The following ZNF514 variants were observed in gnomAD, a reference collection of about 807,000 sequenced individuals.
The protein encoded by ZNF514 is zinc finger protein 514.
A neutral mutation model predicts 9.7 loss-of-function variants in ZNF514; 12 were observed. The observed-to-expected ratio is 1.24, with a 90% CI of 0.79 to 2.01. ZNF514 has a LOEUF of 2.01. Ranked by LOEUF, ZNF514 falls within the 30% of genes most tolerant of loss-of-function variation. The pLI is 0.00. For missense variants in ZNF514, 467 were observed against 465.5 expected (o/e 1.00, Z -0.03); for synonymous variants, 158 against 163.7 (o/e 0.97, Z 0.27).
rs371968229 is a variant in ZNF514, at chr2:95,152,747, A to G, written c.144T>C (p.Tyr48=). ...AILGLLVSKP[Y]VICQLEEGGE... ...CCCCTTCCTCCAACTGGCAGATCAC[A>G]TATGGTTTGGATACTAGAAGGCCTG... Residue 48 remains tyrosine (Y), a synonymous_variant, in exon 4 of 5, where the codon TAT becomes TAC. Coordinates refer to ENST00000295208, the MANE Select transcript of ZNF514 (RefSeq NM_032788.3). 1.9e-6 allele frequency: 3 copies of G among 1,614,172 alleles called. No homozygotes were observed. Among genetic ancestry groups the G allele is most frequent in the African/African-American group, 2.7e-5 (2 of 75,050 alleles).
chr2:95,134,286 G>C, the ZNF514 span, among the ~76,000 whole-genome samples: 1 of 152,084 alleles, frequency 6.6e-6, no homozygotes, highest in Admixed American at 6.6e-5. Flanking sequence ...CTCAGTCTTA[G>C]GGATCACCCC....
At chr2:95,142,305 G>A (rs917898291), downstream of ZNF514, among the ~76,000 whole-genome samples, 2 of 152,150 alleles carry the variant, frequency 1.3e-5, no homozygotes, top group Admixed American at 1.3e-4. Flanking sequence ...CAGAACAAAT[G>A]ACATTAAATA....
the ZNF514 span, among the ~76,000 whole-genome samples, chr2:95,137,486 TA>T: frequency 1.3e-5 from 2 of 152,188 alleles, no homozygotes; most frequent in African/African-American, 4.8e-5. Context: ...AACAGCTTTT[TA>T]ACAGTATTTT....
the ZNF514 span, among the ~76,000 whole-genome samples, chr2:95,135,258 T>C: frequency 6.6e-6 from 1 of 152,188 alleles, no homozygotes; most frequent in Non-Finnish European, 1.5e-5. Flanking sequence ...ATATCTTCTT[T>C]AATTTCTTTC....
the ZNF514 span, among the ~76,000 whole-genome samples, chr2:95,124,507 CT>C: frequency 6.6e-6 from 1 of 151,822 alleles, no homozygotes; most frequent in Non-Finnish European, 1.5e-5. Flanking sequence ...TTTTCCTTTT[CT>C]TTTTTTCCTT....
the ZNF514 span, among the ~76,000 whole-genome samples, chr2:95,130,752 C>T: frequency 6.6e-6 from 1 of 152,104 alleles, no homozygotes; most frequent in South Asian, 2.1e-4. Context: ...TTCAGGGTGC[C>T]CACATTTCAT....
chr2:95,127,617 T>C, the ZNF514 span, among the ~76,000 whole-genome samples: 1 of 152,150 alleles, frequency 6.6e-6, no homozygotes, highest in Admixed American at 6.5e-5. Flanking sequence ...TTGTTTTTTG[T>C]GTTTTGTGTT....
the ZNF514 span, among the ~76,000 whole-genome samples, chr2:95,128,565 A>C: frequency 2.0e-5 from 3 of 152,038 alleles, no homozygotes; most frequent in Non-Finnish European, 4.4e-5. Flanking sequence ...CAAGAAAAAG[A>C]AGAAAGAAGA....
At chr2:95,130,070 G>A in the ZNF514 span, among the ~76,000 whole-genome samples, 6 of 152,092 alleles carry the variant, frequency 3.9e-5, no homozygotes, top group African/African-American at 1.4e-4. Context: ...TTTCCTAAGC[G>A]TCGACTGGCT....
the ZNF514 span, among the ~76,000 whole-genome samples, chr2:95,126,001 A>G: frequency 6.6e-6 from 1 of 152,196 alleles, no homozygotes; most frequent in East Asian, 1.9e-4. Context: ...TTGTGTGGCT[A>G]TAAGTTTTAA....
the ZNF514 span, among the ~76,000 whole-genome samples, chr2:95,131,859 T>C: frequency 1.3e-5 from 2 of 152,056 alleles, no homozygotes; most frequent in African/African-American, 4.8e-5. Context: ...GAGAATGAAA[T>C]GGGCCAGGTG....
the ZNF514 span, among the ~76,000 whole-genome samples, chr2:95,126,371 C>CAAAAAAAAAAAAAAAA: frequency 9.7e-5 from 5 of 51,330 alleles, no homozygotes; most frequent in Non-Finnish European, 1.5e-4. Flanking sequence ...AACTCCATCT[C>CAAAAAAAAAAAAAAAA]AAAAAAAAAA....
Position 95,147,048 on chromosome 2 carries a change from C to A in ZNF514, c.*2234G>T, listed in dbSNP as rs987719627. On this transcript the variant is annotated 3_prime_UTR_variant, in exon 5 of 5. Transcript: ENST00000295208. The stretch of plus-strand genomic sequence containing the variant: ...TGAATTCTGGGCTCAACTTCCTCAT[C>A]TGGACTTTAAATGCTTAAAGTATTT... 1.3e-5 allele frequency among the ~76,000 whole-genome samples: 2 copies of A among 152,126 alleles called. No homozygotes were observed. The highest frequency in any genetic ancestry group is 2.4e-5 in the African/African-American group (1 of 41,418).
the ZNF514 span, among the ~76,000 whole-genome samples, chr2:95,125,350 C>T: frequency 6.6e-6 from 1 of 151,776 alleles, no homozygotes; most frequent in Non-Finnish European, 1.5e-5. Flanking sequence ...AAGCGATTCT[C>T]CTGCCTCAGC....
At chr2:95,144,193 T>C (rs1054378989), downstream of ZNF514, among the ~76,000 whole-genome samples, 5 of 152,138 alleles carry the variant, frequency 3.3e-5, no homozygotes, top group Admixed American at 2.6e-4. Context: ...TATTCATCCA[T>C]TGTTGGGTCA....
At chr2:95,126,371 C>CAAAAAAAAA in the ZNF514 span, among the ~76,000 whole-genome samples, 2 of 51,396 alleles carry the variant, frequency 3.9e-5, no homozygotes, top group African/African-American at 7.7e-5. Context: ...AACTCCATCT[C>CAAAAAAAAA]AAAAAAAAAA....
rs757511183 is a variant in ZNF514, at chr2:95,152,739, C to T, written c.152G>A (p.Cys51Tyr). 18 of 1,614,180 alleles carry T rather than the reference C, an allele frequency of 1.1e-5. No individual in the cohort carries two copies. Among genetic ancestry groups the T allele is most frequent in the Non-Finnish European group, 1.4e-5 (16 of 1,180,026 alleles). The stretch of plus-strand genomic sequence containing the variant: ...GGGCTCACCCCCTTCCTCCAACTGG[C>T]AGATCACATATGGTTTGGATACTAG... ...GLLVSKPYVICQLEEGGEPFM... is the reference protein window; with the variant it reads ...GLLVSKPYVIYQLEEGGEPFM... Residue 51 changes from cysteine to tyrosine, a missense_variant, in exon 4 of 5, where the codon TGC (cysteine) becomes TAC (tyrosine). Physicochemically the swap from Cys to Tyr is radical, Grantham distance 194. Coordinates refer to ENST00000295208, the MANE Select transcript of ZNF514 (RefSeq NM_032788.3).
rs1173059816 is a variant in ZNF514 at position 95,149,335 on chromosome 2, T to C, written c.1150A>G (p.Thr384Ala). The change falls in exon 5 of 5, where the codon ACT becomes GCT. Residue 384 changes from threonine (T) to alanine (A), a missense_variant. By Grantham distance (58) the Thr-to-Ala change is moderately conservative. Coordinates refer to ENST00000295208, the MANE Select transcript of ZNF514 (RefSeq NM_032788.3). The part of the protein sequence containing the change: ...CNECGRAFAH[T>A]ASLIKHQRSH... Reference sequence around the variant, plus strand: ...CTCTGATGTTTAATAAGGGATGCAGTATGAGCAAAGGCCCTTCCACACTCA... The same window carrying C: ...CTCTGATGTTTAATAAGGGATGCAGCATGAGCAAAGGCCCTTCCACACTCA... 33 of 1,609,630 alleles carry C rather than the reference T, an allele frequency of 2.1e-5. 1 individual carries two copies. In the East Asian group the frequency reaches 7.4e-4, roughly 36 times the overall value.
Position 95,149,338 on chromosome 2 carries a change from G to C in ZNF514, c.1147C>G (p.His383Asp). The change falls in exon 5 of 5, where the codon CAT becomes GAT. Residue 383 changes from histidine (H) to aspartate (D), a missense_variant. Coordinates refer to ENST00000295208, the MANE Select transcript of ZNF514 (RefSeq NM_032788.3). ...TGATGTTTAATAAGGGATGCAGTAT[G>C]AGCAAAGGCCCTTCCACACTCATTA... ...KCNECGRAFA[H>D]TASLIKHQRS... The C allele has an allele frequency of 6.2e-7, 1 of 1,610,846 alleles. No homozygotes were observed. Among genetic ancestry groups the C allele is most frequent in the Non-Finnish European group, 8.5e-7 (1 of 1,177,762 alleles).
Sources: allele counts gnomAD v4.1 joint callset (sites outside exome capture counted in the v4.1 genomes callset), GRCh38; gene constraint gnomAD v4.1.1; transcripts MANE v1.5; gene names NCBI Gene and HGNC (gene_info 2026-07-23, HGNC 2026-07-21).